Variants in CPNE4 observed in about 807,000 individuals in gnomAD.
CPNE4 encodes copine-4.
A neutral mutation model predicts 67.9 loss-of-function variants in CPNE4; 25 were observed. The observed-to-expected ratio is 0.37, with a 90% confidence interval of 0.27 to 0.51. The LOEUF is 0.51. CPNE4 is among the 20% of genes least tolerant of loss of function. The pLI, the probability that CPNE4 is intolerant of heterozygous loss-of-function variation, is 0.93. For missense variants in CPNE4, 464 were observed against 690.8 expected (o/e 0.67, Z 3.68); for synonymous variants, 242 against 244.9 (o/e 0.99, Z 0.11).
rs74776163 is a variant in CPNE4 at position 132,031,648 on chromosome 3, A to T, written c.-2+2919T>A. ...CTCTAAATGAAAAGATCCTTTCTTT[A>T]TGTGGATAAAGGTAACATAATGTTC... On this transcript the variant is annotated intron_variant, in intron 1 of 15. Transcript: ENST00000429747. 9.8e-4 allele frequency among the ~76,000 whole-genome samples: 150 copies of T among 152,334 alleles called. 3 individuals are homozygous for T. The East Asian group carries it at 0.028, about 28-fold the overall frequency.
chr3:131,741,634 C>T (rs2082357726), intron 2 of CPNE4, among the ~76,000 whole-genome samples: 1 of 152,034 alleles, frequency 6.6e-6, no homozygotes, highest in African/African-American at 2.4e-5. Context: ...CTTGACACAG[C>T]AAAGAGTTGG....
At chr3:132,023,556 C>T (rs1210298516) in intron 1 of CPNE4, among the ~76,000 whole-genome samples, 3 of 133,546 alleles carry the variant, frequency 2.2e-5, no homozygotes, top group African/African-American at 8.5e-5. Context: ...GGCGGGATCT[C>T]GGCTCACTGC....
intron 6 of CPNE4, among the ~76,000 whole-genome samples, chr3:131,678,585 C>G (rs2080647817): frequency 1.3e-5 from 2 of 152,024 alleles, no homozygotes; most frequent in Non-Finnish European, 2.9e-5. Context: ...TCATATATGG[C>G]TCTTATTATT....
chr3:132,004,146 C>A lies in CPNE4; in HGVS notation c.-2+30421G>T, dbSNP rs2073527233. Among the ~76,000 whole-genome samples, 6 of 151,866 alleles carry A rather than the reference C, an allele frequency of 4.0e-5. No individual in the cohort carries two copies. In the South Asian group the frequency reaches 1.3e-3, roughly 32 times the overall value. ...AAGCAGGTAAGTAATCTAAAATGAG[C>A]ATCATTTAATTCTCTTCTGTGAAAA... On this transcript the variant is annotated intron_variant, in intron 1 of 15. Coordinates refer to ENST00000429747, the MANE Select transcript of CPNE4 (RefSeq NM_130808.3).
chr3:131,781,467 A>G (rs2083430810), intron 2 of CPNE4, among the ~76,000 whole-genome samples: 1 of 151,936 alleles, frequency 6.6e-6, no homozygotes, highest in Non-Finnish European at 1.5e-5. Flanking sequence ...CAAATAATAA[A>G]TGAACAATAA....
At chr3:131,735,932 G>T (rs868276399) in intron 2 of CPNE4, among the ~76,000 whole-genome samples, 1 of 152,176 alleles carries the variant, frequency 6.6e-6, no homozygotes, top group African/African-American at 2.4e-5. Flanking sequence ...AAAATGTTAA[G>T]CTTCTATCTG....
Position 131,552,503 on chromosome 3 carries a change from T to A in CPNE4, c.1117-12A>T. Reference sequence around the variant, plus strand: ...AAGTCATGAGAGACCTAGACACCGATTAAAATTTAAAAAACAGGAAGAAAG... The same window carrying A: ...AAGTCATGAGAGACCTAGACACCGAATAAAATTTAAAAAACAGGAAGAAAG... On this transcript the variant is annotated splice_polypyrimidine_tract_variant and intron_variant, in intron 12 of 15. Coordinates refer to ENST00000429747, the MANE Select transcript of CPNE4 (RefSeq NM_130808.3). 6.2e-7 allele frequency: 1 copy of A among 1,608,672 alleles called. No homozygotes were observed.
intron 1 of CPNE4, among the ~76,000 whole-genome samples, chr3:132,008,348 A>G (rs1248051171): frequency 6.6e-6 from 1 of 152,210 alleles, no homozygotes; most frequent in African/African-American, 2.4e-5. Flanking sequence ...TATTGTGTTG[A>G]TAAAAATAAT....
At chr3:131,794,085 T>C (rs555205498) in intron 2 of CPNE4, among the ~76,000 whole-genome samples, 1 of 152,346 alleles carries the variant, frequency 6.6e-6, no homozygotes, top group African/African-American at 2.4e-5. Flanking sequence ...TATCAAGGTC[T>C]TAACATGCCA....
chr3:131,671,158 C>T (rs753281325), intron 6 of CPNE4, among the ~76,000 whole-genome samples: 2 of 152,038 alleles, frequency 1.3e-5, no homozygotes, highest in Admixed American at 6.6e-5. Flanking sequence ...CCTCTTCCAC[C>T]GGATTCCTTA....
intron 8 of CPNE4, among the ~76,000 whole-genome samples, chr3:131,586,724 CTA>C (rs1938202982): frequency 8.7e-6 from 1 of 115,460 alleles, no homozygotes; most frequent in Non-Finnish European, 1.6e-5. Context: ...CTTTCTATCT[CTA>C]TCTGTCTGTC....
chr3:131,612,373 CA>C (rs372262662), intron 7 of CPNE4, among the ~76,000 whole-genome samples: 15 of 147,806 alleles, frequency 1.0e-4, no homozygotes, highest in East Asian at 3.9e-4. Context: ...GACTGTGTGT[CA>C]AAAAAAAAAT....
At chr3:131,915,642 T>G (rs781060218) in intron 1 of CPNE4, among the ~76,000 whole-genome samples, 14 of 152,270 alleles carry the variant, frequency 9.2e-5, no homozygotes, top group Non-Finnish European at 1.6e-4. Context: ...TACATGAATG[T>G]TTTTCTGGAA....
intron 3 of CPNE4, among the ~76,000 whole-genome samples, chr3:131,702,045 G>C (rs142847026): frequency 7.6e-4 from 115 of 152,090 alleles, no homozygotes; most frequent in African/African-American, 2.6e-3. Flanking sequence ...AAAATACCAA[G>C]TCTCTACTAG....
rs534292248 is a variant in CPNE4 at position 131,678,886 on chromosome 3, TTTTC to T, written c.591+6985_591+6988del. The stretch of plus-strand genomic sequence containing the variant: ...GTTCATCAAGGATATTACGCTGAAG[TTTTC>T]TTTTTTTGTTGTTGTGTCTGTGCCA... On this transcript the variant is annotated intron_variant, in intron 6 of 15. Coordinates refer to ENST00000429747, the MANE Select transcript of CPNE4 (RefSeq NM_130808.3). 4.6e-5 allele frequency among the ~76,000 whole-genome samples: 7 copies of T among 152,294 alleles called. No homozygotes were observed. The South Asian group carries it at 1.5e-3, about 32-fold the overall frequency.
chr3:131,840,068 G>A (rs1176152217), intron 2 of CPNE4, among the ~76,000 whole-genome samples: 1 of 152,126 alleles, frequency 6.6e-6, no homozygotes, highest in African/African-American at 2.4e-5. Context: ...GGAGAACTTG[G>A]TGAGTGCCAT....
chr3:131,677,390 A>T (rs148877783), intron 6 of CPNE4, among the ~76,000 whole-genome samples: 1,866 of 151,770 alleles, frequency 0.012, 34 homozygotes, highest in African/African-American at 0.042. Context: ...TTGTCTGTTT[A>T]CTCTGTTGAT....
chr3:131,899,661 G>A (rs1239533291), intron 2 of CPNE4, among the ~76,000 whole-genome samples: 1 of 152,016 alleles, frequency 6.6e-6, no homozygotes, highest in African/African-American at 2.4e-5. Context: ...TAATTGTGAG[G>A]ATAGAATATA....
intron 1 of CPNE4, among the ~76,000 whole-genome samples, chr3:131,958,943 C>G (rs2072074158): frequency 7.0e-6 from 1 of 142,370 alleles, no homozygotes. Flanking sequence ...CAAACGTGAG[C>G]CACGGCTCCC....
Sources: gnomAD v4.1 joint callset for allele counts (sites outside exome capture counted in the v4.1 genomes callset) on GRCh38, gnomAD v4.1.1 for gene constraint, MANE v1.5 for transcripts, NCBI Gene and HGNC (gene_info 2026-07-23, HGNC 2026-07-21) for gene names.